CCSER1: variants seen among roughly 807,000 people sequenced by gnomAD.
CCSER1 encodes coiled-coil serine rich protein 1.
A neutral mutation model predicts 82.0 loss-of-function variants in CCSER1; 41 were observed. The observed-to-expected ratio is 0.50, with a 90% CI of 0.39 to 0.65. The LOEUF (loss-of-function observed/expected upper bound fraction) is 0.65. CCSER1 is among the 30% of genes least tolerant of loss of function. The pLI, the probability that CCSER1 is intolerant of heterozygous loss-of-function variation, is 0.00. For synonymous variants in CCSER1, 414 were observed against 383.9 expected, an observed-to-expected ratio of 1.08 and a Z score of -0.92; for missense variants, 1,119 against 1,064.2, an observed-to-expected ratio of 1.05 and a Z score of -0.72.
chr4:90,176,422 G>C (rs933442779), intron 1 of CCSER1, among the ~76,000 whole-genome samples: 1 of 151,994 alleles, frequency 6.6e-6, no homozygotes, highest in Non-Finnish European at 1.5e-5. Flanking sequence ...TTGTCAATGA[G>C]ATGTTGTTTT....
intron 1 of CCSER1, among the ~76,000 whole-genome samples, chr4:90,148,268 A>G (rs1048523032): frequency 1.3e-5 from 2 of 152,214 alleles, no homozygotes; most frequent in Non-Finnish European, 2.9e-5. Context: ...TTTCACTCAA[A>G]TAAACACATG....
chr4:90,386,092 C>T (rs986936698), intron 3 of CCSER1, among the ~76,000 whole-genome samples: 1 of 152,052 alleles, frequency 6.6e-6, no homozygotes, highest in Non-Finnish European at 1.5e-5. Context: ...CCAAAGCAAT[C>T]GACAGATTAA....
intron 5 of CCSER1, among the ~76,000 whole-genome samples, chr4:90,611,332 T>C (rs1365379380): frequency 6.6e-6 from 1 of 152,136 alleles, no homozygotes; most frequent in Admixed American, 6.5e-5. Context: ...CTCTTTCTTG[T>C]GATATATGAC....
chr4:91,127,209 C>A (rs1162095400), intron 10 of CCSER1, among the ~76,000 whole-genome samples: 2 of 152,004 alleles, frequency 1.3e-5, no homozygotes, highest in African/African-American at 2.4e-5. Flanking sequence ...TGGTGGAATT[C>A]TGAATGCCTA....
intron 7 of CCSER1, chr4:90,780,356 T>G (rs1358502583): frequency 7.4e-7 from 1 of 1,343,318 alleles, no homozygotes; most frequent in South Asian, 1.3e-5. Flanking sequence ...ACATTTAAGT[T>G]TCATTGATGA....
At chr4:91,005,296 T>C (rs985474758) in intron 9 of CCSER1, among the ~76,000 whole-genome samples, 1 of 152,166 alleles carries the variant, frequency 6.6e-6, no homozygotes, top group Non-Finnish European at 1.5e-5. Context: ...CAGTGTAAAT[T>C]TGTGGTGATT....
At chr4:90,401,056 A>G (rs898887920) in intron 4 of CCSER1, among the ~76,000 whole-genome samples, 1 of 152,202 alleles carries the variant, frequency 6.6e-6, no homozygotes, top group African/African-American at 2.4e-5. Flanking sequence ...TTTATGTAGT[A>G]TATTTGGATA....
intron 10 of CCSER1, among the ~76,000 whole-genome samples, chr4:91,143,925 C>T (rs570163162): frequency 3.8e-4 from 57 of 151,904 alleles, no homozygotes; most frequent in South Asian, 2.1e-4. Flanking sequence ...GGGATATTAG[C>T]CTATAGTTTC....
Position 90,201,447 on chromosome 4 carries a change from CAT to C in CCSER1, c.-42+73617_-42+73618del, listed in dbSNP as rs10543105. On this transcript the variant is annotated intron_variant, in intron 1 of 10. Transcript: ENST00000509176. ...CCATTCTGTAAAAATATGTGAGTCA[CAT>C]GTGTGATTTTGTTATCTCATAGCCA... is the stretch of plus-strand genomic sequence containing the variant. Among the ~76,000 whole-genome samples, 1,434 of 151,588 alleles carry C rather than the reference CAT, an allele frequency of 9.5e-3. 30 individuals are homozygous for C. The highest frequency in any genetic ancestry group is 0.03 in the African/African-American group (1,243 of 41,400).
rs72475346 is a variant in CCSER1 at position 91,296,449 on chromosome 4, T to TTA, written c.2217+210471_2217+210472dup. Among the ~76,000 whole-genome samples the TTA allele has an allele frequency of 5.0e-4, 47 of 94,094 alleles. No individual in the cohort carries two copies. In the South Asian group the frequency reaches 5.3e-3, roughly 11 times the overall value. 61.7% of individuals were successfully genotyped at this position (94,094 alleles called of 152,430 possible). ...CTGGTGTAAACAGAAGTGTCTAACATTATATATATATATATATGTATATAT... is the reference window on the plus strand; with the variant it reads ...CTGGTGTAAACAGAAGTGTCTAACATTATATATATATATATATATGTATATAT... On this transcript the variant is annotated intron_variant, in intron 10 of 10. Coordinates refer to ENST00000509176, the MANE Select transcript of CCSER1 (RefSeq NM_001145065.2).
At position 90,332,257 on chromosome 4, in the gene CCSER1, T is replaced by A. The variant is rs2153496955; in HGVS notation, c.1509+19210T>A. Among the ~76,000 whole-genome samples the A allele has an allele frequency of 1.3e-5, 2 of 151,898 alleles. 1 individual carries two copies. The highest frequency in any genetic ancestry group is 4.2e-4 in the South Asian group (2 of 4,816). On this transcript the variant is annotated intron_variant, in intron 3 of 10. Coordinates refer to ENST00000509176, the MANE Select transcript of CCSER1 (RefSeq NM_001145065.2). ...TATTTTATTTTTTTGAGATGGAGTT[T>A]TTTTTTTTTGCTCTTATTGCCCAGG... is the stretch of plus-strand genomic sequence containing the variant.
intron 9 of CCSER1, among the ~76,000 whole-genome samples, chr4:91,023,111 A>T (rs1740158469): frequency 6.6e-6 from 1 of 152,160 alleles, no homozygotes; most frequent in South Asian, 2.1e-4. Context: ...GACGTGAAGG[A>T]CCTCTTCAAG....
intron 5 of CCSER1, among the ~76,000 whole-genome samples, chr4:90,497,348 T>A (rs1769195424): frequency 6.6e-6 from 1 of 152,198 alleles, no homozygotes; most frequent in African/African-American, 2.4e-5. Context: ...TGTATTTACC[T>A]GTTAGATAAT....
chr4:91,116,410 T>G lies in CCSER1; in HGVS notation c.2217+30416T>G, dbSNP rs1004311766. Among the ~76,000 whole-genome samples the G allele has an allele frequency of 2.0e-5, 3 of 152,196 alleles. No homozygotes were observed. The East Asian group carries it at 5.8e-4, about 29-fold the overall frequency. On this transcript the variant is annotated intron_variant, in intron 10 of 10. Transcript: ENST00000509176. ...AGGAGAGCCTAGTGATGAGAGGGCATGCTCTTTGGAACCAGAATGCCCGCG... is the reference window on the plus strand; with the variant it reads ...AGGAGAGCCTAGTGATGAGAGGGCAGGCTCTTTGGAACCAGAATGCCCGCG...
intron 3 of CCSER1, among the ~76,000 whole-genome samples, chr4:90,377,410 A>G (rs1377441298): frequency 6.6e-6 from 1 of 152,182 alleles, no homozygotes; most frequent in Non-Finnish European, 1.5e-5. Flanking sequence ...ACTATCATCA[A>G]TACTGTATAA....
chr4:90,422,464 A>G (rs998018022), intron 4 of CCSER1, among the ~76,000 whole-genome samples: 1 of 152,056 alleles, frequency 6.6e-6, no homozygotes, highest in African/African-American at 2.4e-5. Flanking sequence ...GCATGGTGGC[A>G]TGCACCTGTA....
At chr4:91,591,946 G>T (rs568032322) in intron 10 of CCSER1, among the ~76,000 whole-genome samples, 38 of 152,172 alleles carry the variant, frequency 2.5e-4, no homozygotes, top group African/African-American at 8.7e-4. Context: ...GGTTTTGAAA[G>T]ATCTGTTAAA....
chr4:91,231,149 G>A (rs554529902), intron 10 of CCSER1, among the ~76,000 whole-genome samples: 1 of 151,808 alleles, frequency 6.6e-6, no homozygotes, highest in Admixed American at 6.6e-5. Context: ...ACGCACGACG[G>A]TATTCATTGT....
At chr4:91,162,289 T>G (rs1332792340) in intron 10 of CCSER1, among the ~76,000 whole-genome samples, 1 of 152,318 alleles carries the variant, frequency 6.6e-6, no homozygotes, top group South Asian at 2.1e-4. Context: ...GTCGACTTCA[T>G]AGTGGTGGAT....
Sources: gnomAD v4.1 joint callset for allele counts (sites outside exome capture counted in the v4.1 genomes callset) on GRCh38, gnomAD v4.1.1 for gene constraint, MANE v1.5 for transcripts, NCBI Gene and HGNC (gene_info 2026-07-23, HGNC 2026-07-21) for gene names.